Variants in DCAF6 observed in about 807,000 individuals in gnomAD.
The protein encoded by DCAF6 is DDB1- and CUL4-associated factor 6.
DCAF6 carries 54 observed loss-of-function variants against 125.1 expected under a neutral mutation model. The observed-to-expected ratio is 0.43, with a 90% CI of 0.35 to 0.54. The LOEUF is 0.54. Among genes scored for constraint, DCAF6 ranks in the 20% least tolerant of loss-of-function variants. The probability of loss-of-function intolerance (pLI) is 0.01; values close to 1 mark genes in which losing one functional copy is unlikely to be tolerated. For synonymous variants in DCAF6, 371 were observed against 390.4 expected (o/e 0.95, Z 0.58); for missense variants, 934 against 1,161.7 (o/e 0.80, Z 2.85).
In DCAF6 at chr1:168,035,829, G is replaced by A. The variant is rs377288430; in HGVS notation, c.1610-2542G>A. 2.2e-3 allele frequency among the ~76,000 whole-genome samples: 333 copies of A among 152,218 alleles called. 2 individuals carry two copies. The highest frequency in any genetic ancestry group is 0.01 in the Middle Eastern group (3 of 294). Reference sequence around the variant, plus strand: ...TGTAATCCCAGCACTTTGGGAGGCCGAAGTGGGTGAATCACTTGAGGTCAG... The same window carrying A: ...TGTAATCCCAGCACTTTGGGAGGCCAAAGTGGGTGAATCACTTGAGGTCAG... On this transcript the variant is annotated intron_variant, in intron 12 of 21. Transcript: ENST00000367840.
chr1:168,009,331 T>TTTCCTTCCTTCCTCCC (rs1421582974), intron 10 of DCAF6, among the ~76,000 whole-genome samples: 1 of 147,352 alleles, frequency 6.8e-6, no homozygotes, highest in African/African-American at 2.5e-5. Flanking sequence ...TCTCTTCTTC[T>TTTCCTTCCTTCCTCCC]TTCCTTCCTT....
intron 20 of DCAF6, 62 bp downstream of exon 20, chr1:168,066,527 A>G: frequency 8.4e-7 from 1 of 1,183,466 alleles, no homozygotes; most frequent in East Asian, 2.4e-5. Context: ...ATGCTTCCCT[A>G]AGAAAAATTA....
the DCAF6 span, chr1:167,880,642 T>C: frequency 6.6e-7 from 1 of 1,510,188 alleles, no homozygotes; most frequent in Non-Finnish European, 9.2e-7. Context: ...CCACAGCTGA[T>C]GGACAGTGTG....
intron 8 of DCAF6, among the ~76,000 whole-genome samples, chr1:168,003,507 C>G (rs1164790291): frequency 6.6e-6 from 1 of 152,098 alleles, no homozygotes; most frequent in Non-Finnish European, 1.5e-5. Context: ...GAAAACCTTT[C>G]TTTTAATCTA....
chr1:168,038,437 G>A lies in DCAF6; in HGVS notation c.1676G>A (p.Ser559Asn), dbSNP rs747493293. 3.7e-6 allele frequency: 6 copies of A among 1,611,424 alleles called. No individual in the cohort carries two copies. The highest frequency in any genetic ancestry group is 5.1e-6 in the Non-Finnish European group (6 of 1,178,972). Residue 559 changes from serine to asparagine, a missense_variant, in exon 13 of 22, where the codon AGC (serine) becomes AAC (asparagine). This residue lies in a region of DCAF6 where 559 missense variants were observed against 635.5 expected (regional missense o/e 0.88). Coordinates refer to ENST00000367840, the MANE Select transcript of DCAF6 (RefSeq NM_001198956.2). Reference protein sequence around the residue: ...TGEPVLSLHYSTEGTTTSTIK... With the variant: ...TGEPVLSLHYNTEGTTTSTIK... Reference sequence around the variant, plus strand: ...GAACCAGTTTTAAGTTTGCACTACAGCACAGAAGGAACAACTACAAGCACA... The same window carrying A: ...GAACCAGTTTTAAGTTTGCACTACAACACAGAAGGAACAACTACAAGCACA...
the DCAF6 span, among the ~76,000 whole-genome samples, chr1:167,884,384 C>T: frequency 6.6e-6 from 1 of 152,126 alleles, no homozygotes; most frequent in African/African-American, 2.4e-5. Context: ...AACTCATTCA[C>T]TATCACGAGA....
chr1:167,881,688 C>G, the DCAF6 span, among the ~76,000 whole-genome samples: 10 of 152,188 alleles, frequency 6.6e-5, no homozygotes, highest in African/African-American at 2.2e-4. Context: ...TTAAAACTTT[C>G]CACAATCATT....
chr1:168,066,599 A>G (rs2101982783), intron 20 of DCAF6, 134 bp downstream of exon 20: 1 of 575,210 alleles, frequency 1.7e-6, no homozygotes, highest in South Asian at 2.6e-5. Context: ...ATTTTAAGAA[A>G]AAGAAAAATT....
At chr1:167,872,112 C>T in the DCAF6 span, among the ~76,000 whole-genome samples, 8 of 152,186 alleles carry the variant, frequency 5.3e-5, no homozygotes, top group South Asian at 4.1e-4. Flanking sequence ...GAGGCCGAGG[C>T]GGGTGGATCC....
chr1:167,948,588 A>G (rs1319307979), intron 1 of DCAF6, among the ~76,000 whole-genome samples: 4 of 152,244 alleles, frequency 2.6e-5, no homozygotes, highest in Non-Finnish European at 5.9e-5. Context: ...TAATGATTAC[A>G]CAACCATTAA....
chr1:167,956,809 T>G (rs536074429), intron 2 of DCAF6, among the ~76,000 whole-genome samples: 32 of 152,304 alleles, frequency 2.1e-4, no homozygotes, highest in South Asian at 6.2e-4. Context: ...TTGTAATTTC[T>G]TCTTTGACCA....
At position 168,045,195 on chromosome 1, in the gene DCAF6, A is replaced by G; in HGVS notation, c.2226A>G (p.Pro742=). 1 of 1,613,212 alleles carries G rather than the reference A, an allele frequency of 6.2e-7. No individual in the cohort carries two copies. The highest frequency in any genetic ancestry group is 1.1e-5 in the South Asian group (1 of 90,892). The change falls in exon 16 of 22, where the codon CCA becomes CCG. Residue 742 remains proline (P), a synonymous_variant. Coordinates refer to ENST00000367840, the MANE Select transcript of DCAF6 (RefSeq NM_001198956.2). ...DDSDDDPVLI[P]GARYRAGPGD... is the part of the protein sequence containing the mutation. ...GTGATGATGACCCAGTCCTGATCCC[A>G]GGTGCAAGGTATCGAGCAGGACCTG...
At chr1:168,029,865 A>G (rs150256569) in intron 12 of DCAF6, among the ~76,000 whole-genome samples, 1,777 of 152,234 alleles carry the variant, frequency 0.012, 40 homozygotes, top group African/African-American at 0.04. Flanking sequence ...CTGTAGTTCC[A>G]GCTACTTGGG....
At chr1:168,048,705 G>A (rs1476543319) in intron 16 of DCAF6, among the ~76,000 whole-genome samples, 1 of 152,174 alleles carries the variant, frequency 6.6e-6, no homozygotes, top group Non-Finnish European at 1.5e-5. Context: ...TAGCAGAGCA[G>A]CAGACTTACT....
intron 2 of DCAF6, among the ~76,000 whole-genome samples, chr1:167,956,062 A>C (rs1674736286): frequency 6.6e-6 from 1 of 152,304 alleles, no homozygotes; most frequent in Admixed American, 6.5e-5. Context: ...CGCTGTGCTT[A>C]GCTAAGAACA....
the DCAF6 span, among the ~76,000 whole-genome samples, chr1:167,919,293 A>G: frequency 1.3e-5 from 2 of 152,090 alleles, no homozygotes; most frequent in African/African-American, 4.8e-5. Context: ...CTTCTACCAT[A>G]CCTTGGGCTT....
chr1:168,054,366 T>TA, intron 17 of DCAF6, among the ~76,000 whole-genome samples: 1 of 152,276 alleles, frequency 6.6e-6, no homozygotes, highest in Non-Finnish European at 1.5e-5. Flanking sequence ...TTCCTCTTCT[T>TA]ATAAAGCCAC....
At chr1:168,067,140 A>G (rs1207554526) in intron 20 of DCAF6, among the ~76,000 whole-genome samples, 1 of 152,192 alleles carries the variant, frequency 6.6e-6, no homozygotes, top group Non-Finnish European at 1.5e-5. Context: ...GAAAATGAGA[A>G]TCCATTGCTA....
the DCAF6 span, among the ~76,000 whole-genome samples, chr1:167,891,525 G>A: frequency 2.0e-5 from 3 of 151,580 alleles, no homozygotes; most frequent in East Asian, 2.0e-4. Context: ...GCGTGGTGGC[G>A]GGCGCCTGTA....
Sources: allele counts gnomAD v4.1 joint callset (sites outside exome capture counted in the v4.1 genomes callset), GRCh38; gene constraint gnomAD v4.1.1; regional missense constraint gnomAD v4.1.1; transcripts MANE v1.5; gene names NCBI Gene and HGNC (gene_info 2026-07-23, HGNC 2026-07-21).